FOXN3: variants seen among roughly 807,000 people sequenced by gnomAD.
FOXN3 encodes the protein forkhead box N3, also known as forkhead box protein N3.
Under a neutral mutation model 38.4 loss-of-function variants are expected in FOXN3, and 7 were observed. The ratio of observed to expected loss-of-function variants is 0.18; its 90% confidence interval spans 0.10 to 0.34. The LOEUF (loss-of-function observed/expected upper bound fraction) is 0.34, where lower values mean the gene tolerates loss of function less well. FOXN3 is among the 10% of genes least tolerant of loss of function. The pLI is 1.00. For missense variants in FOXN3, 456 were observed against 613.4 expected (o/e 0.74, Z 2.71); for synonymous variants, 230 against 242.2 (o/e 0.95, Z 0.47).
At chr14:89,276,018 T>A (rs975484018) in intron 4 of FOXN3, among the ~76,000 whole-genome samples, 5 of 152,228 alleles carry the variant, frequency 3.3e-5, no homozygotes, top group African/African-American at 9.6e-5. Context: ...GGCTTAAGCA[T>A]GTAATCCCAG....
Position 89,156,523 on chromosome 14 carries a change from A to G in FOXN3, c.*5891T>C, listed in dbSNP as rs888939876. 2 of 152,618 alleles carry G rather than the reference A, an allele frequency of 1.3e-5. No individual in the cohort carries two copies. Among genetic ancestry groups the G allele is most frequent in the Non-Finnish European group, 2.9e-5 (2 of 68,040 alleles). The allele number at this position is 152,618 out of a possible 1,614,324, so 9.5% of individuals were successfully genotyped here. On this transcript the variant is annotated 3_prime_UTR_variant, in exon 6 of 6. Transcript: ENST00000557258. ...AATACAGAAAAAAAATTGGCTTTTG[A>G]AAAATTATTACTCTCGTAAATTAAT...
intron 1 of FOXN3, among the ~76,000 whole-genome samples, chr14:89,466,241 A>G (rs1892973887): frequency 6.6e-6 from 1 of 152,174 alleles, no homozygotes; most frequent in Non-Finnish European, 1.5e-5. Flanking sequence ...TTGGTCGTCT[A>G]AGGCATTCAA....
chr14:89,531,063 ATATT>A (rs1894554520), intron 1 of FOXN3, among the ~76,000 whole-genome samples: 1 of 147,438 alleles, frequency 6.8e-6, no homozygotes, highest in Admixed American at 6.8e-5. Flanking sequence ...ATACACATAT[ATATT>A]ATATATACAC....
intron 1 of FOXN3, among the ~76,000 whole-genome samples, chr14:89,616,521 A>ACCCCCC (rs1161046760): frequency 7.2e-5 from 10 of 137,942 alleles, no homozygotes; most frequent in African/African-American, 1.1e-4. Context: ...TCACTCCCCA[A>ACCCCCC]CCCCACCCCC....
chr14:89,290,992 A>C (rs1453439277), intron 3 of FOXN3: 2 of 429,308 alleles, frequency 4.7e-6, no homozygotes, highest in African/African-American at 4.1e-5. Context: ...GTTCTGCTCC[A>C]CGTGAGGCCC....
chr14:89,216,627 C>G (rs373489019), intron 4 of FOXN3, among the ~76,000 whole-genome samples: 33 of 152,340 alleles, frequency 2.2e-4, no homozygotes, highest in African/African-American at 6.7e-4. Flanking sequence ...CAACTCTGCT[C>G]TCCAGCATTC....
At chr14:89,502,011 A>G (rs964704075) in intron 1 of FOXN3, among the ~76,000 whole-genome samples, 2 of 151,548 alleles carry the variant, frequency 1.3e-5, no homozygotes, top group Non-Finnish European at 2.9e-5. Context: ...CCTAAAAATT[A>G]AAAAAAATTA....
chr14:89,548,012 G>A lies in FOXN3; in HGVS notation c.-15+71016C>T, dbSNP rs1434177632. Among the ~76,000 whole-genome samples the A allele has an allele frequency of 2.0e-5, 3 of 152,156 alleles. No homozygotes were observed. Among genetic ancestry groups the A allele is most frequent in the African/African-American group, 7.2e-5 (3 of 41,424 alleles). ...TAGGAGAGAAAGTAGGAGGTGGAAG[G>A]GGGAACTGGCAAAGGGAAAATACTT... On this transcript the variant is annotated intron_variant, in intron 1 of 6. Coordinates refer to the FOXN3 transcript ENST00000345097. The surrounding 1 kb of genome is among the most constrained non-coding windows in gnomAD (Gnocchi z 4.8).
At chr14:89,442,663 C>T (rs1892411127) in intron 1 of FOXN3, among the ~76,000 whole-genome samples, 1 of 152,184 alleles carries the variant, frequency 6.6e-6, no homozygotes, top group Non-Finnish European at 1.5e-5. Flanking sequence ...GTGACCACAG[C>T]CCATGTCCAT....
intron 4 of FOXN3, among the ~76,000 whole-genome samples, chr14:89,234,639 C>T (rs1884926737): frequency 6.6e-6 from 1 of 151,488 alleles, no homozygotes; most frequent in South Asian, 2.1e-4. Flanking sequence ...CTCTCTCTCT[C>T]TGCCCCCCTC....
intron 4 of FOXN3, among the ~76,000 whole-genome samples, chr14:89,237,401 C>G (rs994842878): frequency 6.6e-6 from 1 of 152,186 alleles, no homozygotes. Context: ...TAAAATGGTA[C>G]AGATACTCTG....
intron 4 of FOXN3, among the ~76,000 whole-genome samples, chr14:89,203,458 C>T (rs1288442912): frequency 1.3e-5 from 2 of 152,210 alleles, no homozygotes; most frequent in Non-Finnish European, 2.9e-5. Context: ...CCTCATAGTG[C>T]CCTGTGTCTG....
At chr14:89,215,755 G>C (rs1884259076) in intron 4 of FOXN3, among the ~76,000 whole-genome samples, 1 of 152,202 alleles carries the variant, frequency 6.6e-6, no homozygotes, top group Non-Finnish European at 1.5e-5. Context: ...GCAGTCAGGA[G>C]AATTTGTTGG....
chr14:89,231,187 T>C (rs560310309), intron 4 of FOXN3, among the ~76,000 whole-genome samples: 5 of 152,302 alleles, frequency 3.3e-5, no homozygotes, highest in African/African-American at 1.2e-4. Flanking sequence ...AACTGCTCTT[T>C]TAAAATATAC....
chr14:89,248,196 C>T (rs1450013287), intron 4 of FOXN3, among the ~76,000 whole-genome samples: 1 of 152,212 alleles, frequency 6.6e-6, no homozygotes, highest in East Asian at 1.9e-4. Flanking sequence ...TCCCACTACA[C>T]TATAAAATGC....
At chr14:89,278,336 A>G (rs995658134) in intron 4 of FOXN3, among the ~76,000 whole-genome samples, 1 of 152,150 alleles carries the variant, frequency 6.6e-6, no homozygotes, top group Non-Finnish European at 1.5e-5. Context: ...CCATGATTCA[A>G]TGATCTCCCA....
chr14:89,435,103 C>T (rs1892248726), intron 1 of FOXN3, among the ~76,000 whole-genome samples: 1 of 152,138 alleles, frequency 6.6e-6, no homozygotes, highest in South Asian at 2.1e-4. Flanking sequence ...AGCCTGGGGC[C>T]AGACACAGTG....
At chr14:89,246,282 A>G (rs1885292826) in intron 4 of FOXN3, among the ~76,000 whole-genome samples, 1 of 152,174 alleles carries the variant, frequency 6.6e-6, no homozygotes, top group Non-Finnish European at 1.5e-5. Context: ...TGGTGTTTAC[A>G]TTTTAATTGT....
At chr14:89,200,167 A>C (rs1232032735) in intron 4 of FOXN3, among the ~76,000 whole-genome samples, 1 of 152,176 alleles carries the variant, frequency 6.6e-6, no homozygotes, top group Non-Finnish European at 1.5e-5. Flanking sequence ...GCTCCCATTC[A>C]CACATTTCCT....
Sources: gnomAD v4.1 joint callset for allele counts (sites outside exome capture counted in the v4.1 genomes callset) on GRCh38, gnomAD v4.1.1 for gene constraint, Gnocchi (gnomAD v3.1) non-coding constraint, MANE v1.5 for transcripts, NCBI Gene and HGNC (gene_info 2026-07-23, HGNC 2026-07-21) for gene names.